TECPR2: variants seen among roughly 807,000 people sequenced by gnomAD.
The protein encoded by TECPR2 is tectonin beta-propeller repeat-containing protein 2.
Under a neutral mutation model 138.1 loss-of-function variants are expected in TECPR2, and 65 were observed. The observed-to-expected ratio is 0.47, with a 90% CI of 0.39 to 0.58. The LOEUF (loss-of-function observed/expected upper bound fraction) is 0.58, where lower values mean the gene tolerates loss of function less well. Ranked by LOEUF, TECPR2 falls within the 20% of genes least tolerant of loss-of-function variation. TECPR2 has a pLI of 0.00. For synonymous variants in TECPR2, 746 were observed against 749.8 expected, an observed-to-expected ratio of 0.99 and a Z score of 0.08; for missense variants, 1,553 against 1,824.5, an observed-to-expected ratio of 0.85 and a Z score of 2.71.
At chr14:102,437,562 A>T (rs1352742652) in intron 9 of TECPR2, among the ~76,000 whole-genome samples, 3 of 151,588 alleles carry the variant, frequency 2.0e-5, no homozygotes, top group African/African-American at 7.3e-5. Context: ...TCAAAAAGGA[A>T]AAAAAAAAGA....
chr14:102,495,004 C>G (rs8017980), intron 17 of TECPR2, among the ~76,000 whole-genome samples: 107,393 of 151,876 alleles, frequency 0.71, 38,722 homozygotes, highest in African/African-American at 0.85. Flanking sequence ...CTTGAACCCA[C>G]GAGTTCAAGA....
intron 17 of TECPR2, among the ~76,000 whole-genome samples, chr14:102,477,323 T>G (rs1275456359): frequency 6.7e-6 from 1 of 149,638 alleles, no homozygotes; most frequent in Non-Finnish European, 1.5e-5. Flanking sequence ...TGAACCGTGA[T>G]GACGCCATTG....
At chr14:102,381,637 A>G (rs1887822930) in intron 2 of TECPR2, among the ~76,000 whole-genome samples, 1 of 152,216 alleles carries the variant, frequency 6.6e-6, no homozygotes, top group Admixed American at 6.5e-5. Context: ...GAAAATACCT[A>G]TCAAGAAAGG....
At position 102,373,618 on chromosome 14, in the gene TECPR2, A is replaced by T. The variant is rs146335400; in HGVS notation, c.-72-3032A>T. Among the ~76,000 whole-genome samples, 67 of 152,352 alleles carry T rather than the reference A, an allele frequency of 4.4e-4. 1 individual carries two copies. The highest frequency in any genetic ancestry group is 5.4e-4 in the Non-Finnish European group (37 of 68,040). Reference sequence around the variant, plus strand: ...CCATTGTAAGTTGAGGAGCATCTGTAAAAACATTAGCTATTCCCATTATTA... The same window carrying T: ...CCATTGTAAGTTGAGGAGCATCTGTTAAAACATTAGCTATTCCCATTATTA... On this transcript the variant is annotated intron_variant, in intron 1 of 19. Transcript: ENST00000359520.
chr14:102,499,367 A>C lies in TECPR2; in HGVS notation c.*1110A>C, dbSNP rs1891384357. The C allele has an allele frequency of 3.3e-6, 2 of 601,084 alleles. No homozygotes were observed. Among genetic ancestry groups the C allele is most frequent in the Non-Finnish European group, 5.9e-6 (2 of 336,846 alleles). The allele number at this position is 601,084 out of a possible 1,614,324, so 37.2% of individuals were successfully genotyped here. ...GCATAAAATACCTCATTTCAAATCAAATCTTACAAATTTAGAAGAGAGATA... is the reference window on the plus strand; with the variant it reads ...GCATAAAATACCTCATTTCAAATCACATCTTACAAATTTAGAAGAGAGATA... On this transcript the variant is annotated 3_prime_UTR_variant, in exon 20 of 20. Transcript: ENST00000359520.
At chr14:102,369,194 T>C (rs764600177) in intron 1 of TECPR2, among the ~76,000 whole-genome samples, 1 of 152,116 alleles carries the variant, frequency 6.6e-6, no homozygotes, top group Non-Finnish European at 1.5e-5. Context: ...ATAGTGCACT[T>C]GCTCTGCAAA....
chr14:102,422,762 T>C (rs1889218991), intron 5 of TECPR2, among the ~76,000 whole-genome samples: 1 of 152,124 alleles, frequency 6.6e-6, no homozygotes, highest in Non-Finnish European at 1.5e-5. Context: ...ATTGGTTGGG[T>C]GACTGATGAT....
intron 2 of TECPR2, among the ~76,000 whole-genome samples, chr14:102,388,115 C>G (rs774306756): frequency 6.6e-6 from 1 of 152,198 alleles, no homozygotes; most frequent in Non-Finnish European, 1.5e-5. Context: ...TGCATTTGCC[C>G]AGTGCCTTCC....
intron 13 of TECPR2, among the ~76,000 whole-genome samples, chr14:102,449,126 G>C (rs1800254034): frequency 6.6e-6 from 1 of 152,120 alleles, no homozygotes; most frequent in Admixed American, 6.6e-5. Context: ...GCTACATGTA[G>C]TAGCATTCGC....
chr14:102,436,239 A>G (rs1354809207), intron 9 of TECPR2, among the ~76,000 whole-genome samples: 1 of 152,134 alleles, frequency 6.6e-6, no homozygotes, highest in Admixed American at 6.5e-5. Flanking sequence ...CTGTGCTGTC[A>G]TGCCTCAGAA....
intron 1 of TECPR2, among the ~76,000 whole-genome samples, chr14:102,369,418 T>C (rs1343543406): frequency 6.6e-6 from 1 of 152,138 alleles, no homozygotes; most frequent in Non-Finnish European, 1.5e-5. Flanking sequence ...AGATGGGGTC[T>C]TGCTCTGTCA....
intron 2 of TECPR2, among the ~76,000 whole-genome samples, chr14:102,404,130 C>T (rs1258292676): frequency 1.3e-5 from 2 of 151,400 alleles, no homozygotes; most frequent in Non-Finnish European, 2.9e-5. Flanking sequence ...TCTTGAACTC[C>T]TGGGCTCAAG....
Position 102,482,544 on chromosome 14 carries a change from A to G in TECPR2, c.3790-14435A>G, listed in dbSNP as rs143243774. ...GGGACCCAGCTGTTGTCCTAGCGTC[A>G]CCTTTGACCTCCCCTCATGTTAGAG... On this transcript the variant is annotated intron_variant, in intron 17 of 19. Transcript: ENST00000359520. 1.2e-3 allele frequency among the ~76,000 whole-genome samples: 183 copies of G among 152,010 alleles called. 1 individual carries two copies. Among genetic ancestry groups the G allele is most frequent in the African/African-American group, 4.3e-3 (180 of 41,458 alleles).
intron 13 of TECPR2, among the ~76,000 whole-genome samples, chr14:102,446,854 C>A (rs1889995585): frequency 6.6e-6 from 1 of 152,036 alleles, no homozygotes. Flanking sequence ...TTATTATAGG[C>A]TAAATAAACC....
intron 17 of TECPR2, among the ~76,000 whole-genome samples, chr14:102,492,691 G>A (rs1891183896): frequency 6.6e-6 from 1 of 152,182 alleles, no homozygotes; most frequent in African/African-American, 2.4e-5. Flanking sequence ...CCTTCCCAGA[G>A]GCCTGGCAGG....
intron 13 of TECPR2, among the ~76,000 whole-genome samples, chr14:102,448,240 G>A (rs1183026916): frequency 6.6e-6 from 1 of 152,162 alleles, no homozygotes; most frequent in Non-Finnish European, 1.5e-5. Flanking sequence ...GATTACAGGC[G>A]TGAGCCACTG....
intron 2 of TECPR2, among the ~76,000 whole-genome samples, chr14:102,398,072 C>CAAAAAAAAAA (rs560266373): frequency 2.2e-5 from 1 of 45,744 alleles, no homozygotes; most frequent in African/African-American, 8.2e-5. Flanking sequence ...GATTCTGTCT[C>CAAAAAAAAAA]AAAAAAAAAA....
chr14:102,437,861 T>G (rs1317007059), intron 9 of TECPR2, among the ~76,000 whole-genome samples, 161 bp from the exon 10 acceptor site: 1 of 152,108 alleles, frequency 6.6e-6, no homozygotes, highest in Admixed American at 6.6e-5. Flanking sequence ...TAGAGGGGTG[T>G]CCACAGATAG....
At chr14:102,440,703 A>G (rs1323699266) in intron 11 of TECPR2, 94 bp downstream of exon 11, 27 of 1,427,890 alleles carry the variant, frequency 1.9e-5, no homozygotes, top group African/African-American at 2.8e-5. Context: ...CACAATCGCT[A>G]TGATTAAGAG....
Sources: allele counts gnomAD v4.1 joint callset (sites outside exome capture counted in the v4.1 genomes callset), GRCh38; gene constraint gnomAD v4.1.1; transcripts MANE v1.5; gene names NCBI Gene and HGNC (gene_info 2026-07-23, HGNC 2026-07-21).